Variants in C9orf57 observed in about 807,000 individuals in gnomAD.
C9orf57 encodes uncharacterized protein C9orf57.
Under a neutral mutation model 12.9 loss-of-function variants are expected in C9orf57, and 12 were observed. The ratio of observed to expected loss-of-function variants is 0.93; its 90% CI spans 0.60 to 1.51. The LOEUF (loss-of-function observed/expected upper bound fraction) is 1.51. Ranked by LOEUF, C9orf57 falls within the 40% of genes most tolerant of loss-of-function variation. The pLI, the probability that C9orf57 is intolerant of heterozygous loss-of-function variation, is 0.00. For synonymous variants in C9orf57, 49 were observed against 57.1 expected (o/e 0.86, Z 0.64); for missense variants, 141 against 162.8 (o/e 0.87, Z 0.73).
chr9:72,058,567 C>T (rs1564123221), intron 2 of C9orf57, among the ~76,000 whole-genome samples: 1 of 152,166 alleles, frequency 6.6e-6, no homozygotes, highest in Non-Finnish European at 1.5e-5. Context: ...GAAACTGAGC[C>T]AGAATTTCTC....
Position 72,052,094 on chromosome 9 carries a change from A to G in C9orf57, c.*202T>C, listed in dbSNP as rs1437339080. ...GGAGAGAAATGGTGTTGAAAGGGCT[A>G]TTTCTCAGATGAGTTGGAGGTGGTG... On this transcript the variant is annotated 3_prime_UTR_variant, in exon 5 of 5. Coordinates refer to ENST00000651200, the MANE Select transcript of C9orf57 (RefSeq NM_001128618.2). 5.6e-6 allele frequency: 3 copies of G among 534,058 alleles called. No individual in the cohort carries two copies. Among genetic ancestry groups the G allele is most frequent in the East Asian group, 6.4e-5 (2 of 31,344 alleles). The allele number at this position is 534,058 out of a possible 1,614,324, so 33.1% of individuals were successfully genotyped here. A position where few individuals can be genotyped will look rare whatever the true frequency, so the allele number is the denominator to read the frequency against.
Position 72,059,324 on chromosome 9 carries a change from CT to C in C9orf57, c.7del (p.Arg3GlyfsTer13). 1 of 1,551,704 alleles carries C rather than the reference CT, an allele frequency of 6.4e-7. No individual in the cohort carries two copies. The highest frequency in any genetic ancestry group is 8.7e-7 in the Non-Finnish European group (1 of 1,146,990). MR[R>X]IVFAGVILFR... Reference sequence around the variant, plus strand: ...TAAGATAACACCAGCAAAAACAATCCTTCTCATTCTGATTTCCAAGCCGAAA... The same window carrying C: ...TAAGATAACACCAGCAAAAACAATCCTCTCATTCTGATTTCCAAGCCGAAA... On this transcript the variant is annotated frameshift_variant, in exon 2 of 5. Coordinates refer to ENST00000651200, the MANE Select transcript of C9orf57 (RefSeq NM_001128618.2). LOFTEE classifies it high-confidence loss of function.
chr9:72,052,287 G>A lies in C9orf57; in HGVS notation c.*9C>T. ...GATCTGCCAAGCATTTTAGATATGG[G>A]CCACTGACTCAGAAATTGCACAAAG... On this transcript the variant is annotated 3_prime_UTR_variant, in exon 5 of 5. Coordinates refer to ENST00000651200, the MANE Select transcript of C9orf57 (RefSeq NM_001128618.2). The A allele has an allele frequency of 6.4e-7, 1 of 1,551,268 alleles. No homozygotes were observed. Among genetic ancestry groups the A allele is most frequent in the Non-Finnish European group, 8.7e-7 (1 of 1,146,836 alleles).
Position 72,060,533 on chromosome 9 carries a change from G to C in C9orf57, c.-90C>G, listed in dbSNP as rs1214938146. 3 of 1,547,460 alleles carry C rather than the reference G, an allele frequency of 1.9e-6. No individual in the cohort carries two copies. ...ATTAAGGTACTATGGAAATTTTCCT[G>C]GGTCTGAACTTTCTTAAAAGGATGA... On this transcript the variant is annotated 5_prime_UTR_variant, in exon 1 of 5. Coordinates refer to ENST00000651200, the MANE Select transcript of C9orf57 (RefSeq NM_001128618.2).
At chr9:72,052,459 G>A in intron 4 of C9orf57, 24 bp from the exon 5 acceptor site, 2 of 1,548,204 alleles carry the variant, frequency 1.3e-6, no homozygotes, top group Admixed American at 2.0e-5. Flanking sequence ...AAGAGGTAAG[G>A]AAATTTCTTG....
intron 2 of C9orf57, among the ~76,000 whole-genome samples, chr9:72,057,459 CA>C (rs1336720158): frequency 2.0e-5 from 3 of 151,896 alleles, no homozygotes; most frequent in Admixed American, 6.6e-5. Flanking sequence ...ACTCCTAACT[CA>C]GGTGATCTAC....
intron 2 of C9orf57, 67 bp from the exon 3 acceptor site, chr9:72,056,910 T>A: frequency 8.2e-7 from 1 of 1,222,060 alleles, no homozygotes; most frequent in Non-Finnish European, 1.1e-6. Context: ...TATATATGTA[T>A]ACTTTTTTTT....
intron 4 of C9orf57, 133 bp from the exon 5 acceptor site, chr9:72,052,568 T>TCTTAATGGTGGA: frequency 2.5e-6 from 2 of 793,452 alleles, no homozygotes; most frequent in Non-Finnish European, 3.9e-6. Context: ...TTTCCACCAT[T>TCTTAATGGTGGA]AAGAATGGTT....
At chr9:72,056,952 C>T (rs1824217728) in intron 2 of C9orf57, 109 bp from the exon 3 acceptor site, 1 of 834,002 alleles carries the variant, frequency 1.2e-6, no homozygotes, top group African/African-American at 1.7e-5. Context: ...TCCTGTTACC[C>T]AGGCTGGAGT....
At chr9:72,056,602 C>T (rs573300994) in intron 3 of C9orf57, among the ~76,000 whole-genome samples, 182 bp downstream of exon 3, 1 of 152,152 alleles carries the variant, frequency 6.6e-6, no homozygotes, top group South Asian at 2.1e-4. Context: ...GTTCGTGTCT[C>T]AGCTATCTCA....
At chr9:72,057,104 G>A (rs1824221523) in intron 2 of C9orf57, among the ~76,000 whole-genome samples, 2 of 151,952 alleles carry the variant, frequency 1.3e-5, no homozygotes, top group South Asian at 4.1e-4. Flanking sequence ...TGGGGAGGAT[G>A]GGGTTTCGCT....
chr9:72,051,910 G>A lies in C9orf57; in HGVS notation c.*386C>T, dbSNP rs1251728227. The A allele has an allele frequency of 5.4e-6, 1 of 185,952 alleles. No homozygotes were observed. The highest frequency in any genetic ancestry group is 1.1e-5 in the Non-Finnish European group (1 of 89,842). 11.5% of individuals were successfully genotyped at this position (185,952 alleles called of 1,614,324 possible). A position where few individuals can be genotyped will look rare whatever the true frequency, so the allele number is the denominator to read the frequency against. ...AATGAATATTCTCAGGTCACTTGCTGTCTTGTGAAACATTTGTAACCATAT... is the reference window on the plus strand; with the variant it reads ...AATGAATATTCTCAGGTCACTTGCTATCTTGTGAAACATTTGTAACCATAT... On this transcript the variant is annotated 3_prime_UTR_variant, in exon 5 of 5. Coordinates refer to ENST00000651200, the MANE Select transcript of C9orf57 (RefSeq NM_001128618.2).
chr9:72,055,113 T>G (rs1324367298), intron 4 of C9orf57, among the ~76,000 whole-genome samples: 1 of 151,124 alleles, frequency 6.6e-6, no homozygotes, highest in Non-Finnish European at 1.5e-5. Flanking sequence ...TATATATTTT[T>G]TTTTGTAGAG....
At chr9:72,060,366 T>C (rs1824309262) in intron 1 of C9orf57, 131 bp downstream of exon 1, 1 of 625,422 alleles carries the variant, frequency 1.6e-6, no homozygotes. Flanking sequence ...AATAATACTT[T>C]CACTGCAAAA....
intron 3 of C9orf57, among the ~76,000 whole-genome samples, chr9:72,056,524 C>CA (rs1399437639): frequency 6.6e-6 from 1 of 151,820 alleles, no homozygotes; most frequent in Non-Finnish European, 1.5e-5. Context: ...GCTCTGGAGT[C>CA]AAAGTACTCA....
At chr9:72,059,491 T>A in intron 1 of C9orf57, 107 bp from the exon 2 acceptor site, 1 of 1,316,754 alleles carries the variant, frequency 7.6e-7, no homozygotes, top group Admixed American at 2.7e-5. Context: ...GTTTATTTTG[T>A]GAAGGAGGAA....
Position 72,060,595 on chromosome 9 carries a change from C to G in C9orf57, c.-152G>C. 2.6e-6 allele frequency: 4 copies of G among 1,520,400 alleles called. No homozygotes were observed. 94.2% of individuals were successfully genotyped at this position (1,520,400 alleles called of 1,614,324 possible). ...ATTTGTGATGTGATGAAGTCCGTTA[C>G]AACTGAAAGCGACACTCTGATCCAC... On this transcript the variant is annotated 5_prime_UTR_variant, in exon 1 of 5. Coordinates refer to ENST00000651200, the MANE Select transcript of C9orf57 (RefSeq NM_001128618.2).
chr9:72,056,144 T>G lies in C9orf57; in HGVS notation c.210A>C (p.Gly70=). 1 of 1,550,916 alleles carries G rather than the reference T, an allele frequency of 6.4e-7. No individual in the cohort carries two copies. The highest frequency in any genetic ancestry group is 8.7e-7 in the Non-Finnish European group (1 of 1,146,516). ...RACNLSLPFH[G]CLLDLGTCQA... ...GGCAGGTTCCCAGGTCTAAAAGACA[T>G]CCATGGAAGGGCAGTGAAAGATTGC... Residue 70 remains glycine, a synonymous_variant, in exon 4 of 5, where the codon GGA becomes GGC. Coordinates refer to ENST00000651200, the MANE Select transcript of C9orf57 (RefSeq NM_001128618.2).
chr9:72,058,268 C>T (rs1226559552), intron 2 of C9orf57, among the ~76,000 whole-genome samples: 1 of 152,158 alleles, frequency 6.6e-6, no homozygotes, highest in Non-Finnish European at 1.5e-5. Context: ...TGAAGCAATT[C>T]TCCAGCCTCA....
Sources: gnomAD v4.1 joint callset for allele counts (sites outside exome capture counted in the v4.1 genomes callset) on GRCh38, gnomAD v4.1.1 for gene constraint, MANE v1.5 for transcripts, NCBI Gene and HGNC (gene_info 2026-07-23, HGNC 2026-07-21) for gene names.